Variants in RALYL observed in about 807,000 individuals in gnomAD.
RALYL encodes RNA-binding Raly-like protein.
RALYL carries 29 observed loss-of-function variants against 35.1 expected under a neutral mutation model. The ratio of observed to expected loss-of-function variants is 0.83; its 90% CI spans 0.61 to 1.13. The LOEUF is 1.13. Ranked by LOEUF, RALYL falls within the 50% of genes most tolerant of loss-of-function variation. The probability of loss-of-function intolerance (pLI) is 0.00; values close to 1 mark genes in which losing one functional copy is unlikely to be tolerated. For synonymous variants in RALYL, 120 were observed against 127.6 expected (o/e 0.94, Z 0.40); for missense variants, 359 against 360.4 (o/e 1.00, Z 0.03).
chr8:84,647,388 G>T (rs896112217), intron 2 of RALYL, among the ~76,000 whole-genome samples: 3 of 152,026 alleles, frequency 2.0e-5, no homozygotes, highest in Non-Finnish European at 2.9e-5. Context: ...AAAGGTCAGA[G>T]AAGTAAGAGG....
At chr8:84,782,063 AG>A (rs776091586) in intron 3 of RALYL, among the ~76,000 whole-genome samples, 34 of 146,976 alleles carry the variant, frequency 2.3e-4, no homozygotes, top group East Asian at 2.2e-3. Context: ...ACACACACAC[AG>A]GTTTTAAAGC....
intron 1 of RALYL, among the ~76,000 whole-genome samples, chr8:84,344,046 T>A (rs1480793624): frequency 6.6e-6 from 1 of 152,082 alleles, no homozygotes; most frequent in Non-Finnish European, 1.5e-5. Flanking sequence ...GCCTAGTATT[T>A]ATGGTTTATA....
At chr8:84,707,863 C>G (rs1841490524) in intron 2 of RALYL, among the ~76,000 whole-genome samples, 1 of 151,982 alleles carries the variant, frequency 6.6e-6, no homozygotes, top group African/African-American at 2.4e-5. Context: ...AATGCGTAAA[C>G]AGAAAAACTG....
intron 1 of RALYL, among the ~76,000 whole-genome samples, chr8:84,508,907 A>G (rs558864625): frequency 9.2e-5 from 14 of 152,238 alleles, no homozygotes; most frequent in Non-Finnish European, 1.8e-4. Flanking sequence ...ATTAATTGTC[A>G]CTAGGTTTTT....
At chr8:84,425,042 G>A (rs561438632) in intron 1 of RALYL, among the ~76,000 whole-genome samples, 2 of 152,294 alleles carry the variant, frequency 1.3e-5, no homozygotes, top group South Asian at 2.1e-4. Context: ...AGCCTACAGA[G>A]GCAGGCAGAC....
intron 1 of RALYL, among the ~76,000 whole-genome samples, chr8:84,334,459 A>G (rs947719552): frequency 2.6e-5 from 4 of 151,610 alleles, no homozygotes; most frequent in African/African-American, 9.7e-5. Flanking sequence ...TTCAGTATGT[A>G]TTTCCTAAGA....
chr8:84,258,044 G>T (rs530848216), intron 1 of RALYL, among the ~76,000 whole-genome samples: 1 of 152,234 alleles, frequency 6.6e-6, no homozygotes, highest in South Asian at 2.1e-4. Context: ...AATTCTAGAA[G>T]ATATCTAGAC....
At chr8:84,836,173 T>A (rs1831984251) in intron 4 of RALYL, among the ~76,000 whole-genome samples, 1 of 152,142 alleles carries the variant, frequency 6.6e-6, no homozygotes, top group African/African-American at 2.4e-5. Context: ...AGAAAAATAA[T>A]AGGATTTTTC....
At chr8:84,915,735 T>C (rs910440639) in intron 8 of RALYL, among the ~76,000 whole-genome samples, 1 of 152,054 alleles carries the variant, frequency 6.6e-6, no homozygotes, top group Non-Finnish European at 1.5e-5. Context: ...GCTTCTGGAG[T>C]TACAGTTCTG....
intron 2 of RALYL, among the ~76,000 whole-genome samples, chr8:84,650,500 T>A (rs543219652): frequency 6.6e-6 from 1 of 151,944 alleles, no homozygotes; most frequent in South Asian, 2.1e-4. Context: ...ATCAGAGAAA[T>A]GCAAATAAAA....
intron 2 of RALYL, among the ~76,000 whole-genome samples, chr8:84,613,662 TTATA>T (rs1564237576): frequency 6.6e-6 from 1 of 151,484 alleles, no homozygotes; most frequent in African/African-American, 2.4e-5. Context: ...TTTTTATCAC[TTATA>T]GAATCCTGTT....
intron 1 of RALYL, among the ~76,000 whole-genome samples, chr8:84,480,867 G>A (rs767647003): frequency 7.9e-5 from 12 of 152,018 alleles, no homozygotes; most frequent in Non-Finnish European, 1.6e-4. Flanking sequence ...TGCAACTGAT[G>A]GATGACCTTA....
intron 4 of RALYL, among the ~76,000 whole-genome samples, chr8:84,840,671 T>A (rs1833061275): frequency 6.6e-6 from 1 of 152,048 alleles, no homozygotes; most frequent in African/African-American, 2.4e-5. Context: ...ATTGTCAGAT[T>A]CACCAAATTT....
At chr8:84,894,890 T>C (rs1471569331) in intron 8 of RALYL, among the ~76,000 whole-genome samples, 5 of 152,218 alleles carry the variant, frequency 3.3e-5, no homozygotes, top group Non-Finnish European at 7.3e-5. Flanking sequence ...AAACAAGAGC[T>C]CTGCCTGCAG....
chr8:84,695,294 T>C (rs1161431699), intron 2 of RALYL, among the ~76,000 whole-genome samples: 1 of 151,784 alleles, frequency 6.6e-6, no homozygotes, highest in Non-Finnish European at 1.5e-5. Context: ...ATTTTTATAA[T>C]ATCCTCTAAG....
At chr8:84,318,230 A>T (rs1844137199) in intron 1 of RALYL, among the ~76,000 whole-genome samples, 1 of 152,192 alleles carries the variant, frequency 6.6e-6, no homozygotes, top group Non-Finnish European at 1.5e-5. Context: ...CACAAGCTGC[A>T]TGCCTGTGAG....
intron 1 of RALYL, among the ~76,000 whole-genome samples, chr8:84,425,023 C>A (rs893230894): frequency 6.6e-6 from 1 of 152,148 alleles, no homozygotes; most frequent in African/African-American, 2.4e-5. Flanking sequence ...GCCCTGCCCC[C>A]AGAGGTGGAG....
intron 1 of RALYL, among the ~76,000 whole-genome samples, chr8:84,494,414 A>G (rs7003087): frequency 0.016 from 2,471 of 152,188 alleles, 65 homozygotes; most frequent in African/African-American, 0.056. Context: ...TGAATTTTAA[A>G]GTAGTTTTTT....
At chr8:84,390,238 G>T (rs1486516560) in intron 1 of RALYL, among the ~76,000 whole-genome samples, 1 of 152,090 alleles carries the variant, frequency 6.6e-6, no homozygotes, top group Non-Finnish European at 1.5e-5. Context: ...GCTGGATTCA[G>T]TTTGCCAGTA....
Sources: gnomAD v4.1 joint callset for allele counts (sites outside exome capture counted in the v4.1 genomes callset) on GRCh38, gnomAD v4.1.1 for gene constraint, MANE v1.5 for transcripts, NCBI Gene and HGNC (gene_info 2026-07-23, HGNC 2026-07-21) for gene names.